Variants in TMX3 observed in about 807,000 individuals in gnomAD.
TMX3 encodes protein disulfide-isomerase TMX3.
A neutral mutation model predicts 64.4 loss-of-function variants in TMX3; 40 were observed. The observed-to-expected ratio is 0.62, with a 90% confidence interval of 0.48 to 0.81. TMX3 has a LOEUF of 0.81. Ranked by LOEUF, TMX3 falls within the 30% of genes least tolerant of loss-of-function variation. TMX3 has a pLI of 0.00. For missense variants in TMX3, 497 were observed against 534.5 expected (o/e 0.93, Z 0.69); for synonymous variants, 189 against 175.7 (o/e 1.08, Z -0.60).
At chr18:68,688,692 T>G (rs1454029654) in intron 9 of TMX3, 3 of 152,164 alleles carry the variant, frequency 2.0e-5, no homozygotes, top group Non-Finnish European at 4.4e-5. Context: ...ATTTATAAAT[T>G]AGGAAAATAA....
At chr18:68,705,166 A>G (rs1374945526) in intron 4 of TMX3, among the ~76,000 whole-genome samples, 7 of 152,282 alleles carry the variant, frequency 4.6e-5, no homozygotes, top group South Asian at 4.1e-4. Flanking sequence ...TCTAGTGGGC[A>G]GAGGTGAGGG....
intron 13 of TMX3, among the ~76,000 whole-genome samples, chr18:68,682,142 T>C (rs1913497728): frequency 6.6e-6 from 1 of 152,158 alleles, no homozygotes; most frequent in African/African-American, 2.4e-5. Context: ...GTAACTAACA[T>C]CTGTGGTCTT....
chr18:68,700,545 T>C, intron 5 of TMX3, 60 bp from the exon 6 acceptor site: 1 of 1,238,548 alleles, frequency 8.1e-7, no homozygotes, highest in South Asian at 1.7e-5. Context: ...TATTTAATGT[T>C]AATCATTATC....
At chr18:68,686,815 A>C (rs371119827) in intron 10 of TMX3, 1 of 985,304 alleles carries the variant, frequency 1.0e-6, no homozygotes, top group Non-Finnish European at 1.2e-6. Context: ...AAAGGCAGAA[A>C]TATCACTAGA....
At chr18:68,709,995 A>G (rs1429339056) in intron 4 of TMX3, 26 bp downstream of exon 4, 1 of 1,558,866 alleles carries the variant, frequency 6.4e-7, no homozygotes. Flanking sequence ...GAGAACAGTA[A>G]AATAATAAAC....
chr18:68,692,737 C>T (rs942221355), intron 8 of TMX3, among the ~76,000 whole-genome samples: 2 of 152,218 alleles, frequency 1.3e-5, no homozygotes, highest in African/African-American at 4.8e-5. Flanking sequence ...TTACTATTTT[C>T]AGGAATAAAG....
chr18:68,686,403 T>A (rs1185048805), intron 10 of TMX3, among the ~76,000 whole-genome samples: 1 of 152,146 alleles, frequency 6.6e-6, no homozygotes, highest in Non-Finnish European at 1.5e-5. Context: ...CCTCTTCCTT[T>A]CATGTGAGTC....
In TMX3 at chr18:68,710,043, CT is replaced by C. The variant is rs1240429493; in HGVS notation, c.242del (p.Lys81ArgfsTer25). The C allele has an allele frequency of 6.3e-7, 1 of 1,588,788 alleles. No homozygotes were observed. Among genetic ancestry groups the C allele is most frequent in the Non-Finnish European group, 8.6e-7 (1 of 1,168,984 alleles). On this transcript the variant is annotated frameshift_variant, in exon 4 of 16. Coordinates refer to ENST00000299608, the MANE Select transcript of TMX3 (RefSeq NM_019022.5). LOFTEE classifies it high-confidence loss of function. ...KSIGSPVKVG[K>X]MDATSYSSIA... ...TACTAGAATAGGAAGTAGCATCCATCTTTCCAACCTTAACTGGAGAACCAAT... is the reference window on the plus strand; with the variant it reads ...TACTAGAATAGGAAGTAGCATCCATCTTCCAACCTTAACTGGAGAACCAAT...
At chr18:68,707,332 C>T (rs930232317) in intron 4 of TMX3, among the ~76,000 whole-genome samples, 2 of 152,058 alleles carry the variant, frequency 1.3e-5, no homozygotes, top group Admixed American at 6.6e-5. Flanking sequence ...AGTAAAAAGT[C>T]GCAACCTGTA....
chr18:68,678,944 A>G (rs564386520), intron 15 of TMX3, among the ~76,000 whole-genome samples: 2 of 152,162 alleles, frequency 1.3e-5, no homozygotes, highest in East Asian at 3.9e-4. Context: ...GAAAAAGGGA[A>G]GAAGGAAAAA....
chr18:68,701,643 A>T (rs2030079863), intron 5 of TMX3, 102 bp downstream of exon 5: 5 of 1,564,754 alleles, frequency 3.2e-6, no homozygotes, highest in Non-Finnish European at 4.3e-6. Context: ...GCCAAACCCC[A>T]ATCTTCAATC....
intron 2 of TMX3, 58 bp from the exon 3 acceptor site, chr18:68,711,461 T>G (rs942276184): frequency 8.2e-7 from 1 of 1,222,510 alleles, no homozygotes; most frequent in African/African-American, 1.5e-5. Flanking sequence ...TACAACTGTA[T>G]AGTATAGGCA....
rs2031835152 is a variant in TMX3 at position 68,715,073 on chromosome 18, GC to G, written c.-93del. On this transcript the variant is annotated 5_prime_UTR_variant, in exon 1 of 16. Transcript: ENST00000299608. The stretch of plus-strand genomic sequence containing the variant: ...CTGCCCGCCCGGAAAGGGAAACGGA[GC>G]CGACCCGGAGCGGAAGAGAAGCACC... 1.9e-6 allele frequency: 3 copies of G among 1,543,402 alleles called. No homozygotes were observed. The highest frequency in any genetic ancestry group is 2.6e-6 in the Non-Finnish European group (3 of 1,143,050).
intron 9 of TMX3, 56 bp from the exon 10 acceptor site, chr18:68,687,821 T>A: frequency 7.4e-7 from 1 of 1,351,436 alleles, no homozygotes. Context: ...TTAAGAGTTA[T>A]AATAGCTTTA....
In TMX3 at chr18:68,674,349, C is replaced by A. The variant is rs1045076204; in HGVS notation, c.*2584G>T. Reference sequence around the variant, plus strand: ...ACAGGGTACTCGATAAAAACATGCACTTTGTCTCGCTGAAATGTCCTTAAA... The same window carrying A: ...ACAGGGTACTCGATAAAAACATGCAATTTGTCTCGCTGAAATGTCCTTAAA... On this transcript the variant is annotated 3_prime_UTR_variant, in exon 16 of 16. Transcript: ENST00000299608. 1 of 152,098 alleles carries A rather than the reference C, an allele frequency of 6.6e-6. No individual in the cohort carries two copies. The highest frequency in any genetic ancestry group is 2.4e-5 in the African/African-American group (1 of 41,430). The allele number at this position is 152,098 out of a possible 1,614,324, so 9.4% of individuals were successfully genotyped here.
chr18:68,693,314 CCTGCTA>C (rs946143577), intron 8 of TMX3, among the ~76,000 whole-genome samples: 2 of 152,136 alleles, frequency 1.3e-5, no homozygotes, highest in African/African-American at 2.4e-5. Context: ...GAGAGTCCTA[CCTGCTA>C]CCAAGTTCGT....
At chr18:68,710,235 C>A in intron 3 of TMX3, 91 bp from the exon 4 acceptor site, 3 of 1,146,558 alleles carry the variant, frequency 2.6e-6, no homozygotes, top group South Asian at 2.4e-5. Flanking sequence ...TTAAAGAATC[C>A]CTTTGACTAA....
intron 10 of TMX3, among the ~76,000 whole-genome samples, chr18:68,685,014 T>C (rs2298671): frequency 1.3e-5 from 2 of 152,164 alleles, no homozygotes; most frequent in East Asian, 3.8e-4. Flanking sequence ...CACATTTACT[T>C]AACCCTAAAT....
chr18:68,687,845 T>C, intron 9 of TMX3, 80 bp from the exon 10 acceptor site: 1 of 1,010,472 alleles, frequency 9.9e-7, no homozygotes, highest in Non-Finnish European at 1.4e-6. Context: ...TGATAATAGG[T>C]ATAAAACGCC....
Sources: gnomAD v4.1 joint callset for allele counts (sites outside exome capture counted in the v4.1 genomes callset) on GRCh38, gnomAD v4.1.1 for gene constraint, MANE v1.5 for transcripts, NCBI Gene and HGNC (gene_info 2026-07-23, HGNC 2026-07-21) for gene names.